The following ERCC1 variants were observed in gnomAD, a reference collection of about 807,000 sequenced individuals.
The protein encoded by ERCC1 is ERCC excision repair 1, endonuclease non-catalytic subunit.
In ERCC1, 36 loss-of-function variants were observed where a neutral mutation model predicts 37.6. That is an observed-to-expected ratio of 0.96 (90% CI 0.73 to 1.26). ERCC1 has a LOEUF of 1.26. Among genes scored for constraint, ERCC1 ranks in the 50% most tolerant of loss-of-function variants. ERCC1 has a pLI of 0.00. For synonymous variants in ERCC1, 156 were observed against 162.1 expected, an observed-to-expected ratio of 0.96 and a Z score of 0.28; for missense variants, 349 against 376.5, an observed-to-expected ratio of 0.93 and a Z score of 0.60.
At chr19:45,444,426 A>G (rs1004759329) in intron 1 of ERCC1, among the ~76,000 whole-genome samples, 11 of 151,674 alleles carry the variant, frequency 7.3e-5, no homozygotes, top group African/African-American at 2.7e-4. Context: ...TGCTGCGGCA[A>G]AACACTGGTC....
intron 1 of ERCC1, among the ~76,000 whole-genome samples, chr19:45,436,873 C>T (rs1023885906): frequency 6.6e-6 from 1 of 151,998 alleles, no homozygotes; most frequent in African/African-American, 2.4e-5. Flanking sequence ...GGGAGGACCC[C>T]GTGAGACCAA....
intron 6 of ERCC1, chr19:45,415,863 T>C (rs1400955998): frequency 4.4e-6 from 2 of 449,916 alleles, no homozygotes; most frequent in South Asian, 3.1e-5. Context: ...TGGTCAGGCA[T>C]AGTGGCTCAT....
chr19:45,430,020 G>A (rs1458589047), intron 1 of ERCC1, among the ~76,000 whole-genome samples: 1 of 152,144 alleles, frequency 6.6e-6, no homozygotes, highest in Non-Finnish European at 1.5e-5. Flanking sequence ...CTGACCTCAG[G>A]TGATCCACCC....
Position 45,408,059 on chromosome 19 carries a change from A to AG in ERCC1, c.*1615_*1616insC. ...ACAGAGCAAGACTCTCTCAAAAAAA[A>AG]ACAAAAAAAAAATCAAAAAACCTTC... On this transcript the variant is annotated 3_prime_UTR_variant, in exon 10 of 10. Coordinates refer to ENST00000300853, the MANE Select transcript of ERCC1 (RefSeq NM_001983.4). The AG allele has an allele frequency of 6.8e-7, 1 of 1,476,746 alleles. No individual in the cohort carries two copies. Among genetic ancestry groups the AG allele is most frequent in the East Asian group, 2.3e-5 (1 of 43,202 alleles). 91.5% of individuals were successfully genotyped at this position (1,476,746 alleles called of 1,614,324 possible). A position where few individuals can be genotyped will look rare whatever the true frequency, so the allele number is the denominator to read the frequency against.
intron 1 of ERCC1, among the ~76,000 whole-genome samples, chr19:45,441,908 T>C (rs111756830): frequency 0.079 from 11,944 of 150,786 alleles, 1,519 homozygotes; most frequent in African/African-American, 0.27. Context: ...GGTCTCGATC[T>C]CCTGACCTCA....
intron 7 of ERCC1, chr19:45,414,476 CAAA>C (rs200487437): frequency 1.6e-3 from 383 of 246,342 alleles, no homozygotes; most frequent in Middle Eastern, 4.4e-3. Context: ...GACTCCATCT[CAAA>C]AAAAAAAAAA....
At chr19:45,414,365 T>G in intron 7 of ERCC1, 1 of 399,482 alleles carries the variant, frequency 2.5e-6, no homozygotes, top group Non-Finnish European at 4.7e-6. Context: ...TAGTCCCAGC[T>G]ACTCAGGAGG....
At position 45,412,473 on chromosome 19, in the gene ERCC1, A is replaced by G. The variant is rs568938792; in HGVS notation, c.843+1204T>C. The stretch of plus-strand genomic sequence containing the variant: ...TGCACCCAGCCTCACTGTAGTTTTG[A>G]TTTGCATTTTTCTGATGATCAATGA... On this transcript the variant is annotated intron_variant, in intron 9 of 9. Coordinates refer to ENST00000300853, the MANE Select transcript of ERCC1 (RefSeq NM_001983.4). Among the ~76,000 whole-genome samples the G allele has an allele frequency of 2.8e-4, 43 of 151,910 alleles. No homozygotes were observed. In the South Asian group the frequency reaches 8.7e-3, roughly 31 times the overall value.
In ERCC1 at chr19:45,412,096, C is replaced by T. The variant is rs144659929; in HGVS notation, c.843+1581G>A. Among the ~76,000 whole-genome samples, 227 of 151,886 alleles carry T rather than the reference C, an allele frequency of 1.5e-3. 3 individuals carry two copies. The highest frequency in any genetic ancestry group is 5.2e-3 in the African/African-American group (217 of 41,430). On this transcript the variant is annotated intron_variant, in intron 9 of 9. Transcript: ENST00000300853. Reference sequence around the variant, plus strand: ...TGATGGTCTCAATCTCCTGACCTCACGATCCACCCGCCTCGGCCTCCCAAA... The same window carrying T: ...TGATGGTCTCAATCTCCTGACCTCATGATCCACCCGCCTCGGCCTCCCAAA...
intron 1 of ERCC1, among the ~76,000 whole-genome samples, chr19:45,443,532 C>A (rs1056470487): frequency 7.2e-5 from 11 of 152,160 alleles, no homozygotes; most frequent in Non-Finnish European, 1.6e-4. Context: ...CGTCACGAGC[C>A]GCTCCCCCAG....
At chr19:45,417,204 C>G (rs1233703007) in intron 5 of ERCC1, among the ~76,000 whole-genome samples, 2 of 152,198 alleles carry the variant, frequency 1.3e-5, no homozygotes, top group Non-Finnish European at 1.5e-5. Flanking sequence ...TACTGGGTGC[C>G]TGGCCCGTGC....
chr19:45,424,708 T>G (rs1231128546), upstream of ERCC1, among the ~76,000 whole-genome samples: 1 of 152,110 alleles, frequency 6.6e-6, no homozygotes, highest in African/African-American at 2.4e-5. Flanking sequence ...TTTCTAGGGG[T>G]ACTTTATGGA....
At chr19:45,417,480 A>G (rs1273829667) in intron 5 of ERCC1, among the ~76,000 whole-genome samples, 1 of 152,206 alleles carries the variant, frequency 6.6e-6, no homozygotes, top group Admixed American at 6.5e-5. Flanking sequence ...AATTCCAGAC[A>G]TAAAGAACAG....
intron 1 of ERCC1, among the ~76,000 whole-genome samples, chr19:45,451,331 G>A (rs1159335415): frequency 6.6e-6 from 1 of 152,158 alleles, no homozygotes; most frequent in Non-Finnish European, 1.5e-5. Flanking sequence ...TTTCTGCCTT[G>A]GACTGCCGGA....
Position 45,419,126 on chromosome 19 carries a change from A to G in ERCC1, c.497T>C (p.Leu166Ser). 1 of 1,590,536 alleles carries G rather than the reference A, an allele frequency of 6.3e-7. No homozygotes were observed. The highest frequency in any genetic ancestry group is 8.6e-7 in the Non-Finnish European group (1 of 1,167,464). The part of the protein sequence containing the change: ...RLQSLGKNFA[L>S]RVLLVQVDVK... Reference sequence around the variant, plus strand: ...ATCCACCTGGACAAGCAGGACCCGCAAGGCGAAGTTCTTCCCCAGGCTCTG... The same window carrying G: ...ATCCACCTGGACAAGCAGGACCCGCGAGGCGAAGTTCTTCCCCAGGCTCTG... Residue 166 changes from leucine to serine, a missense_variant, in exon 5 of 10, where the codon TTG becomes TCG. By Grantham distance (145) the Leu-to-Ser change is moderately radical. Transcript: ENST00000300853.
At chr19:45,427,594 A>C (rs554906259), upstream of ERCC1, among the ~76,000 whole-genome samples, 10 of 152,320 alleles carry the variant, frequency 6.6e-5, no homozygotes, top group African/African-American at 2.4e-4. Flanking sequence ...AGCCTGGGCG[A>C]CAGAGCGAGA....
At chr19:45,433,257 G>C (rs1236031731) in intron 1 of ERCC1, among the ~76,000 whole-genome samples, 1 of 152,106 alleles carries the variant, frequency 6.6e-6, no homozygotes, top group Non-Finnish European at 1.5e-5. Flanking sequence ...CGGGCACAAT[G>C]CCTCATGCCT....
At chr19:45,414,540 G>C (rs1268069377) in intron 7 of ERCC1, 1 of 403,300 alleles carries the variant, frequency 2.5e-6, no homozygotes, top group African/African-American at 2.0e-5. Context: ...CAAGTGCTTG[G>C]AGAAGCGAGC....
chr19:45,429,329 T>G (rs112598296), intron 1 of ERCC1: 40,104 of 152,056 alleles, frequency 0.26, 7,220 homozygotes, highest in African/African-American at 0.5. Flanking sequence ...GCGTGGTGGC[T>G]CATGCCTATA....
Sources: allele counts gnomAD v4.1 joint callset (sites outside exome capture counted in the v4.1 genomes callset), GRCh38; gene constraint gnomAD v4.1.1; transcripts MANE v1.5; gene names NCBI Gene and HGNC (gene_info 2026-07-23, HGNC 2026-07-21).